Variants in LAMP1 observed in about 807,000 individuals in gnomAD.
The protein encoded by LAMP1 is lysosome-associated membrane glycoprotein 1.
LAMP1 carries 7 observed loss-of-function variants against 37.5 expected under a neutral mutation model. The observed-to-expected ratio is 0.19, with a 90% CI of 0.11 to 0.35. The LOEUF is 0.35. LAMP1 is among the 10% of genes least tolerant of loss of function. The pLI, the probability that LAMP1 is intolerant of heterozygous loss-of-function variation, is 1.00. For synonymous variants in LAMP1, 236 were observed against 229.1 expected, an observed-to-expected ratio of 1.03 and a Z score of -0.27; for missense variants, 537 against 552.8, an observed-to-expected ratio of 0.97 and a Z score of 0.29.
At chr13:113,305,053 A>G (rs1236266378) in intron 1 of LAMP1, 1 of 152,246 alleles carries the variant, frequency 6.6e-6, no homozygotes, top group African/African-American at 2.4e-5. Context: ...TTTAGGCTTG[A>G]AGAACAGTTG....
intron 4 of LAMP1, among the ~76,000 whole-genome samples, chr13:113,312,104 AGGAGTGACTGCT>A (rs2042633591): frequency 6.6e-6 from 1 of 152,288 alleles, no homozygotes; most frequent in African/African-American, 2.4e-5. Context: ...TTAAAGGCTG[AGGAGTGACTGCT>A]GGGCTCCACA....
At chr13:113,316,758 C>T (rs1253613100) in intron 4 of LAMP1, among the ~76,000 whole-genome samples, 1 of 151,532 alleles carries the variant, frequency 6.6e-6, no homozygotes, top group Non-Finnish European at 1.5e-5. Context: ...CAGAGTCTGA[C>T]TCCTAGCTTA....
rs1415910308 is a variant in LAMP1, at chr13:113,297,439, C to T, written c.5C>T (p.Ala2Val). 12 of 1,044,830 alleles carry T rather than the reference C, an allele frequency of 1.1e-5. No individual in the cohort carries two copies. Among genetic ancestry groups the T allele is most frequent in the East Asian group, 6.6e-5 (2 of 30,442 alleles). 64.7% of individuals were successfully genotyped at this position (1,044,830 alleles called of 1,614,324 possible). A position where few individuals can be genotyped will look rare whatever the true frequency, so the allele number is the denominator to read the frequency against. M[A>V]APGSARRPLL... ...CGTACCCGGCCGCCTCGCGCCATGG[C>T]GGCCCCCGGCAGCGCCCGGCGACCC... is the stretch of plus-strand genomic sequence containing the variant. Residue 2 changes from alanine to valine, a missense_variant, in exon 1 of 9, where the codon GCG (alanine) becomes GTG (valine). Coordinates refer to ENST00000332556, the MANE Select transcript of LAMP1 (RefSeq NM_005561.4). The surrounding 1 kb of genome is among the most constrained non-coding windows in gnomAD (Gnocchi z 4.4).
chr13:113,298,372 G>A (rs1258290731), intron 1 of LAMP1, among the ~76,000 whole-genome samples: 2 of 152,028 alleles, frequency 1.3e-5, no homozygotes, highest in Non-Finnish European at 2.9e-5. Context: ...AAGACAGTCC[G>A]GATTGCCCCC....
chr13:113,319,952 C>T, intron 5 of LAMP1, among the ~76,000 whole-genome samples: 1 of 152,210 alleles, frequency 6.6e-6, no homozygotes, highest in Admixed American at 6.5e-5. Context: ...CCTAAGTTTT[C>T]TTTACATATT....
chr13:113,301,645 ATATATATATATATATAT>A (rs1340634403), intron 1 of LAMP1, among the ~76,000 whole-genome samples: 46 of 770 alleles, frequency 0.06, 2 homozygotes, highest in African/African-American at 0.087. Context: ...AAAAAAAAAA[ATATATATATATATATAT>A]ATATATATAT....
At chr13:113,304,656 T>G (rs1342037577) in intron 1 of LAMP1, among the ~76,000 whole-genome samples, 2 of 151,894 alleles carry the variant, frequency 1.3e-5, no homozygotes, top group Admixed American at 6.6e-5. Flanking sequence ...CACCTTTTCT[T>G]TTTCTTTTTT....
chr13:113,322,773 TG>T lies in LAMP1; in HGVS notation c.*357del, dbSNP rs2042711250. On this transcript the variant is annotated 3_prime_UTR_variant, in exon 9 of 9. Coordinates refer to ENST00000332556, the MANE Select transcript of LAMP1 (RefSeq NM_005561.4). The stretch of plus-strand genomic sequence containing the variant: ...GGGGGTGCCGCTCTCTCTGAGGGGG[TG>T]GGGGTGCCGCTTTCTCTGAGGGGGT... The T allele has an allele frequency of 8.6e-5, 1 of 11,664 alleles. No individual in the cohort carries two copies. Among genetic ancestry groups the T allele is most frequent in the South Asian group, 5.0e-3 (1 of 202 alleles). 0.7% of individuals were successfully genotyped at this position (11,664 alleles called of 1,614,324 possible). A position where few individuals can be genotyped will look rare whatever the true frequency, so the allele number is the denominator to read the frequency against.
intron 2 of LAMP1, among the ~76,000 whole-genome samples, chr13:113,307,795 T>TA (rs147832647): frequency 0.64 from 74,996 of 116,438 alleles, 20,943 homozygotes; most frequent in South Asian, 0.81. Context: ...TATCTCTTTT[T>TA]TAAAAAAAAA....
At chr13:113,303,719 C>T (rs906224963) in intron 1 of LAMP1, among the ~76,000 whole-genome samples, 4 of 152,164 alleles carry the variant, frequency 2.6e-5, no homozygotes, top group Non-Finnish European at 4.4e-5. Flanking sequence ...GTAATACAGG[C>T]ATCTTGTGCT....
At chr13:113,307,923 C>T (rs1431464011) in intron 2 of LAMP1, among the ~76,000 whole-genome samples, 7 of 136,558 alleles carry the variant, frequency 5.1e-5, no homozygotes. Context: ...CTTGCCACTG[C>T]ACTCCAGCCT....
chr13:113,310,198 C>T (rs562014638), intron 3 of LAMP1, among the ~76,000 whole-genome samples: 1 of 151,684 alleles, frequency 6.6e-6, no homozygotes, highest in African/African-American at 2.4e-5. Context: ...CACTGCACTC[C>T]AGCCTAGGCG....
At position 113,309,810 on chromosome 13, in the gene LAMP1, T is replaced by C; in HGVS notation, c.351T>C (p.Ser117=). ...NATRYSVQLM[S]FVYNLSDTHL... The stretch of plus-strand genomic sequence containing the variant: ...CACGTTACAGCGTCCAGCTCATGAG[T>C]TTTGTTTATAACTTGTCAGACACAC... Residue 117 remains serine, a synonymous_variant, in exon 3 of 9, where the codon AGT becomes AGC. Coordinates refer to ENST00000332556, the MANE Select transcript of LAMP1 (RefSeq NM_005561.4). The C allele has an allele frequency of 6.2e-7, 1 of 1,613,906 alleles. No homozygotes were observed. Among genetic ancestry groups the C allele is most frequent in the South Asian group, 1.1e-5 (1 of 91,060 alleles).
intron 1 of LAMP1, among the ~76,000 whole-genome samples, chr13:113,303,193 G>A (rs1393598971): frequency 6.6e-6 from 1 of 152,216 alleles, no homozygotes; most frequent in East Asian, 1.9e-4. Context: ...ATTGGGCTCT[G>A]CTACTGGCCA....
chr13:113,306,428 C>A, intron 1 of LAMP1, 57 bp from the exon 2 acceptor site: 2 of 1,569,650 alleles, frequency 1.3e-6, no homozygotes, highest in Non-Finnish European at 1.7e-6. Context: ...AATGGAAATA[C>A]TCGGTCGTAT....
rs1159117082 is a variant in LAMP1 at position 113,321,314 on chromosome 13, C to G, written c.877-90C>G. 1 of 1,045,862 alleles carries G rather than the reference C, an allele frequency of 9.6e-7. No individual in the cohort carries two copies. Among genetic ancestry groups the G allele is most frequent in the African/African-American group, 1.6e-5 (1 of 63,730 alleles). 64.8% of individuals were successfully genotyped at this position (1,045,862 alleles called of 1,614,324 possible). The stretch of plus-strand genomic sequence containing the variant: ...AGGTTTATTACCCAATGACCATTCA[C>G]GTTTGATGATAAATGTGTGAATCTA... On this transcript the variant is annotated intron_variant, in intron 6 of 8. Transcript: ENST00000332556. This position sits in a 1 kb window ranked among gnomAD's most constrained non-coding sequence, Gnocchi z 5.6.
chr13:113,317,138 C>T (rs542084516), intron 4 of LAMP1, among the ~76,000 whole-genome samples: 1 of 152,274 alleles, frequency 6.6e-6, no homozygotes, highest in East Asian at 1.9e-4. Context: ...GCCTTCAGAG[C>T]ACATGAGCTT....
chr13:113,302,642 G>C lies in LAMP1; in HGVS notation c.62-3843G>C, dbSNP rs189272425. On this transcript the variant is annotated intron_variant, in intron 1 of 8. Transcript: ENST00000332556. ...AAGGTCTTGCTGTGTTGACCAGCCT[G>C]GTCTGGAACTCCTAACCTCAAGCAG... Among the ~76,000 whole-genome samples, 595 of 151,970 alleles carry C rather than the reference G, an allele frequency of 3.9e-3. 3 individuals are homozygous for C. The highest frequency in any genetic ancestry group is 5.6e-3 in the Non-Finnish European group (381 of 67,962).
intron 4 of LAMP1, 45 bp downstream of exon 4, chr13:113,310,912 C>T (rs1595460271): frequency 1.3e-6 from 2 of 1,571,300 alleles, no homozygotes; most frequent in Non-Finnish European, 8.7e-7. Context: ...GGTTGGGTAG[C>T]TGGGCTGCAG....
Sources: gnomAD v4.1 joint callset for allele counts (sites outside exome capture counted in the v4.1 genomes callset) on GRCh38, gnomAD v4.1.1 for gene constraint, Gnocchi (gnomAD v3.1) non-coding constraint, MANE v1.5 for transcripts, NCBI Gene and HGNC (gene_info 2026-07-23, HGNC 2026-07-21) for gene names.